Variants in TENM3 observed in about 807,000 individuals in gnomAD.
TENM3 encodes teneurin transmembrane protein 3.
Under a neutral mutation model 255.1 loss-of-function variants are expected in TENM3, and 63 were observed. The observed-to-expected ratio is 0.25, with a 90% CI of 0.20 to 0.30. The LOEUF (loss-of-function observed/expected upper bound fraction) is 0.30, where lower values mean the gene tolerates loss of function less well. Among genes scored for constraint, TENM3 ranks in the 10% least tolerant of loss-of-function variants. The pLI, the probability that TENM3 is intolerant of heterozygous loss-of-function variation, is 1.00. For missense variants in TENM3, 2,929 were observed against 3,461.1 expected (o/e 0.85, Z 3.86); for synonymous variants, 1,306 against 1,322.3 (o/e 0.99, Z 0.27).
At chr4:181,844,484 C>A in the TENM3 span, among the ~76,000 whole-genome samples, 1 of 151,932 alleles carries the variant, frequency 6.6e-6, no homozygotes, top group South Asian at 2.1e-4. Flanking sequence ...TTGGCTAACA[C>A]GGTGAAACCC....
chr4:182,173,274 C>T (rs1752226226), intron 1 of TENM3, among the ~76,000 whole-genome samples: 1 of 152,108 alleles, frequency 6.6e-6, no homozygotes, highest in Non-Finnish European at 1.5e-5. Context: ...ACCTTGGCTC[C>T]CACCTTCATG....
the TENM3 span, among the ~76,000 whole-genome samples, chr4:181,474,065 G>A: frequency 0.95 from 144,504 of 152,036 alleles, 68,832 homozygotes; most frequent in Non-Finnish European, 0.99. Flanking sequence ...ACAAGAATAG[G>A]AAACCAAACA....
Position 182,746,483 on chromosome 4 carries a change from A to G in TENM3, c.3629+3064A>G, listed in dbSNP as rs939057625. Among the ~76,000 whole-genome samples, 5 of 152,190 alleles carry G rather than the reference A, an allele frequency of 3.3e-5. No individual in the cohort carries two copies. The South Asian group carries it at 1.0e-3, about 32-fold the overall frequency. On this transcript the variant is annotated intron_variant, in intron 19 of 27. Coordinates refer to ENST00000511685, the MANE Select transcript of TENM3 (RefSeq NM_001080477.4). ...CCCACCTGAATGGAACAGGGGGTTC[A>G]TGGTGGTAATCACGAGAGATACAGG...
chr4:182,039,132 T>A, the TENM3 span, among the ~76,000 whole-genome samples: 1 of 152,094 alleles, frequency 6.6e-6, no homozygotes, highest in Non-Finnish European at 1.5e-5. Context: ...CCATCTGAGG[T>A]CCGGAGCTAA....
chr4:182,719,819 G>A (rs543098529), intron 13 of TENM3, among the ~76,000 whole-genome samples: 249 of 152,238 alleles, frequency 1.6e-3, no homozygotes, highest in African/African-American at 5.8e-3. Context: ...CTATCATTTA[G>A]GGAGGCTGAG....
the TENM3 span, among the ~76,000 whole-genome samples, chr4:181,864,803 G>A: frequency 2.6e-5 from 4 of 152,092 alleles, no homozygotes; most frequent in African/African-American, 7.2e-5. Context: ...GTGTTACATT[G>A]TTCTCACCCA....
intron 6 of TENM3, among the ~76,000 whole-genome samples, chr4:182,658,159 T>C (rs1753912350): frequency 6.6e-6 from 1 of 152,216 alleles, no homozygotes; most frequent in Non-Finnish European, 1.5e-5. Flanking sequence ...AACCTCTTTA[T>C]TCTTTATCAT....
chr4:181,850,900 C>A, the TENM3 span, among the ~76,000 whole-genome samples: 79 of 152,258 alleles, frequency 5.2e-4, no homozygotes, highest in African/African-American at 1.9e-3. Flanking sequence ...CCATTCCACA[C>A]GTCCAAAACT....
chr4:182,004,700 A>T, the TENM3 span, among the ~76,000 whole-genome samples: 1 of 152,094 alleles, frequency 6.6e-6, no homozygotes, highest in Non-Finnish European at 1.5e-5. Context: ...AACAGTGTAA[A>T]AGCATTCCTA....
chr4:182,017,910 GAAA>G, the TENM3 span, among the ~76,000 whole-genome samples: 3 of 152,314 alleles, frequency 2.0e-5, no homozygotes, highest in South Asian at 6.2e-4. Context: ...TAGAGGGACA[GAAA>G]ACAGAACAAA....
At chr4:182,392,481 G>A (rs528167325) in intron 3 of TENM3, among the ~76,000 whole-genome samples, 23 of 152,298 alleles carry the variant, frequency 1.5e-4, no homozygotes, top group Admixed American at 1.4e-3. Context: ...TACATGGTAC[G>A]TCCAGCCACC....
chr4:181,866,758 C>A, the TENM3 span, among the ~76,000 whole-genome samples: 3 of 152,138 alleles, frequency 2.0e-5, no homozygotes, highest in African/African-American at 4.8e-5. Flanking sequence ...AAGCATTCTG[C>A]GTTTGAACAC....
At chr4:182,301,215 G>T (rs1484750893) in intron 1 of TENM3, among the ~76,000 whole-genome samples, 1 of 152,080 alleles carries the variant, frequency 6.6e-6, no homozygotes, top group Non-Finnish European at 1.5e-5. Context: ...TCAAACATAT[G>T]CCAACCAAAG....
chr4:182,725,699 G>A (rs563207478), intron 13 of TENM3, among the ~76,000 whole-genome samples: 9 of 148,474 alleles, frequency 6.1e-5, no homozygotes, highest in Non-Finnish European at 8.9e-5. Flanking sequence ...GCAGTGGCGC[G>A]ATCTCGGCTC....
At chr4:182,278,665 CAA>C (rs532591080) in intron 1 of TENM3, among the ~76,000 whole-genome samples, 139 of 92,928 alleles carry the variant, frequency 1.5e-3, no homozygotes, top group East Asian at 3.2e-3. Flanking sequence ...CCCCAGTGTG[CAA>C]AAAAAAAAAA....
intron 3 of TENM3, among the ~76,000 whole-genome samples, chr4:182,392,661 A>G (rs1768516482): frequency 6.6e-6 from 1 of 150,676 alleles, no homozygotes; most frequent in African/African-American, 2.4e-5. Context: ...ACCTAGGGGA[A>G]TGCCTCCACG....
At chr4:181,680,350 T>A in the TENM3 span, among the ~76,000 whole-genome samples, 1 of 152,156 alleles carries the variant, frequency 6.6e-6, no homozygotes, top group South Asian at 2.1e-4. Context: ...AATATTTAAG[T>A]CATCTTTCTA....
chr4:181,500,819 C>G, the TENM3 span, among the ~76,000 whole-genome samples: 3 of 152,170 alleles, frequency 2.0e-5, no homozygotes, highest in Non-Finnish European at 2.9e-5. Flanking sequence ...TTCCTAGAAA[C>G]TGCTTGGTGT....
intron 3 of TENM3, among the ~76,000 whole-genome samples, chr4:182,405,873 A>G: frequency 6.6e-6 from 1 of 152,336 alleles, no homozygotes; most frequent in Middle Eastern, 3.4e-3. Flanking sequence ...GGAGGAATAA[A>G]GGAGCACCAC....
Sources: allele counts gnomAD v4.1 joint callset (sites outside exome capture counted in the v4.1 genomes callset), GRCh38; gene constraint gnomAD v4.1.1; transcripts MANE v1.5; gene names NCBI Gene and HGNC (gene_info 2026-07-23, HGNC 2026-07-21).